The following RYR2 variants were observed in gnomAD, a reference collection of about 807,000 sequenced individuals.
RYR2 encodes the protein ryanodine receptor 2, also known as cardiac muscle ryanodine receptor-calcium release channel.
Under a neutral mutation model 601.1 loss-of-function variants are expected in RYR2, and 227 were observed. The ratio of observed to expected loss-of-function variants is 0.38; its 90% CI spans 0.34 to 0.42. The LOEUF (loss-of-function observed/expected upper bound fraction) is 0.42, where lower values mean the gene tolerates loss of function less well. Among genes scored for constraint, RYR2 ranks in the 10% least tolerant of loss-of-function variants. The pLI is 1.00. For missense variants in RYR2, 4,646 were observed against 6,156.5 expected, an observed-to-expected ratio of 0.75 and a Z score of 8.21; for synonymous variants, 2,223 against 2,175.1, an observed-to-expected ratio of 1.02 and a Z score of -0.61.
At chr1:237,057,402 G>T (rs143024445) in intron 1 of RYR2, among the ~76,000 whole-genome samples, 2,706 of 152,194 alleles carry the variant, frequency 0.018, 33 homozygotes, top group Non-Finnish European at 0.028. Context: ...AGCCAGGATG[G>T]TCTCGATCTC....
At chr1:237,659,470 A>T (rs1683565415) in intron 54 of RYR2, among the ~76,000 whole-genome samples, 1 of 152,182 alleles carries the variant, frequency 6.6e-6, no homozygotes, top group South Asian at 2.1e-4. Context: ...AGAAAATTTG[A>T]TGAAAGAATG....
intron 1 of RYR2, among the ~76,000 whole-genome samples, chr1:237,147,077 A>G (rs2148791075): frequency 6.6e-6 from 1 of 152,294 alleles, no homozygotes; most frequent in East Asian, 1.9e-4. Context: ...CAGACAATAG[A>G]TATCTCATTA....
intron 24 of RYR2, among the ~76,000 whole-genome samples, chr1:237,520,808 G>C (rs1572699975): frequency 6.6e-6 from 1 of 152,238 alleles, no homozygotes; most frequent in East Asian, 1.9e-4. Context: ...GGCCAAGGTG[G>C]GTGGATCACT....
chr1:237,610,802 A>G lies in RYR2; in HGVS notation c.4724A>G (p.His1575Arg). Residue 1575 changes from histidine (H) to arginine (R), a missense_variant, in exon 36 of 105, where the codon CAC becomes CGC. His to Arg is a conservative substitution (Grantham distance 29). Coordinates refer to ENST00000366574, the MANE Select transcript of RYR2 (RefSeq NM_001035.3). This position sits in a 1 kb window ranked among gnomAD's most constrained non-coding sequence, Gnocchi z 4.9. ...TCGGCGGGATTATTCAAGAGTGAGC[A>G]CAAGAACCCCGTGCCGCAGTGCCCC... ...PLSAGLFKSE[H>R]KNPVPQCPPR... The G allele has an allele frequency of 6.2e-7, 1 of 1,610,510 alleles. No individual in the cohort carries two copies. Among genetic ancestry groups the G allele is most frequent in the Non-Finnish European group, 8.5e-7 (1 of 1,178,662 alleles).
intron 72 of RYR2, among the ~76,000 whole-genome samples, chr1:237,718,232 T>G (rs928007968): frequency 6.6e-6 from 1 of 152,238 alleles, no homozygotes; most frequent in African/African-American, 2.4e-5. Context: ...TTGATTCCAT[T>G]GAATTTCAAT....
rs1474057505 is a variant in RYR2, at chr1:237,701,920, C to T, written c.9368-58C>T. ...GAATAGTACATAGCTTAAGCTTTCT[C>T]AGGACAATGTATAAATAAGTGGGTT... is the stretch of plus-strand genomic sequence containing the variant. On this transcript the variant is annotated intron_variant, in intron 65 of 104. Coordinates refer to ENST00000366574, the MANE Select transcript of RYR2 (RefSeq NM_001035.3). The T allele has an allele frequency of 3.1e-5, 29 of 944,794 alleles. No homozygotes were observed. In the East Asian group the frequency reaches 6.8e-4, roughly 22 times the overall value. 58.5% of individuals were successfully genotyped at this position (944,794 alleles called of 1,614,324 possible). A position where few individuals can be genotyped will look rare whatever the true frequency, so the allele number is the denominator to read the frequency against.
At chr1:237,249,712 A>G (rs1687259849) in intron 1 of RYR2, among the ~76,000 whole-genome samples, 1 of 152,204 alleles carries the variant, frequency 6.6e-6, no homozygotes. Context: ...ATCAAGCCCT[A>G]AGAAATTCTG....
chr1:237,561,657 A>T (rs1403152870), intron 27 of RYR2, among the ~76,000 whole-genome samples: 1 of 152,194 alleles, frequency 6.6e-6, no homozygotes. Context: ...AGGTAGAAAG[A>T]TTAGGGCAAA....
At chr1:237,269,042 C>CTTTT (rs200563683) in intron 1 of RYR2, among the ~76,000 whole-genome samples, 2 of 113,222 alleles carry the variant, frequency 1.8e-5, no homozygotes, top group Non-Finnish European at 3.4e-5. Flanking sequence ...ATAGCATATT[C>CTTTT]TTTTTTTTTT....
chr1:237,258,753 G>T (rs1688235569), intron 1 of RYR2, among the ~76,000 whole-genome samples: 1 of 152,164 alleles, frequency 6.6e-6, no homozygotes, highest in Non-Finnish European at 1.5e-5. Context: ...GAATCAGTTG[G>T]TTGACAACAG....
At chr1:237,427,787 A>C (rs1237455069) in intron 12 of RYR2, among the ~76,000 whole-genome samples, 3 of 56,260 alleles carry the variant, frequency 5.3e-5, no homozygotes, top group African/African-American at 1.4e-4. Flanking sequence ...TGCCTCAAAA[A>C]AAAAAAAAAA....
chr1:237,628,204 A>G lies in RYR2; in HGVS notation c.6440+124A>G, dbSNP rs185713200. The G allele has an allele frequency of 3.2e-4, 368 of 1,136,572 alleles. No homozygotes were observed. The African/African-American group carries it at 5.2e-3, about 16-fold the overall frequency. The allele number at this position is 1,136,572 out of a possible 1,614,324, so 70.4% of individuals were successfully genotyped here. On this transcript the variant is annotated intron_variant, in intron 41 of 104. Transcript: ENST00000366574. ...TCTGGATTATACGATTATTATACTA[A>G]ATAGCTTTTCTTTTTTTTATTTATT... is the stretch of plus-strand genomic sequence containing the variant.
At chr1:237,110,494 C>T (rs1231865894) in intron 1 of RYR2, among the ~76,000 whole-genome samples, 1 of 150,958 alleles carries the variant, frequency 6.6e-6, no homozygotes, top group African/African-American at 2.4e-5. Context: ...CAATTCCCAC[C>T]TATGAGTGAG....
chr1:237,532,851 T>A (rs1248912937), intron 25 of RYR2, among the ~76,000 whole-genome samples: 1 of 152,160 alleles, frequency 6.6e-6, no homozygotes, highest in Non-Finnish European at 1.5e-5. Context: ...GACAAAACAA[T>A]CAGCTAAAAC....
chr1:237,252,425 A>C (rs945303820), intron 1 of RYR2, among the ~76,000 whole-genome samples: 3 of 152,024 alleles, frequency 2.0e-5, no homozygotes, highest in African/African-American at 7.2e-5. Flanking sequence ...CCATCCTGTA[A>C]TATATCCACC....
At chr1:237,705,751 A>G (rs923282160) in intron 67 of RYR2, among the ~76,000 whole-genome samples, 3 of 152,174 alleles carry the variant, frequency 2.0e-5, no homozygotes, top group African/African-American at 7.2e-5. Context: ...GATAGGCTGG[A>G]GAGAAAAAGA....
chr1:237,283,314 G>A (rs1572465987), intron 2 of RYR2, among the ~76,000 whole-genome samples: 1 of 151,660 alleles, frequency 6.6e-6, no homozygotes, highest in Non-Finnish European at 1.5e-5. Flanking sequence ...TCACTTGATC[G>A]CTTTTTCTCT....
intron 1 of RYR2, among the ~76,000 whole-genome samples, chr1:237,223,504 G>A (rs1684046505): frequency 6.6e-6 from 1 of 152,192 alleles, no homozygotes; most frequent in South Asian, 2.1e-4. Context: ...AAAGATCTCT[G>A]ACAACCTAAC....
intron 3 of RYR2, among the ~76,000 whole-genome samples, chr1:237,344,830 C>A (rs185980876): frequency 6.6e-6 from 1 of 151,960 alleles, no homozygotes; most frequent in South Asian, 2.1e-4. Flanking sequence ...TTTTTTGAGA[C>A]AGAGTCTCGC....
Sources: allele counts gnomAD v4.1 joint callset (sites outside exome capture counted in the v4.1 genomes callset), GRCh38; gene constraint gnomAD v4.1.1; non-coding constraint Gnocchi (gnomAD v3.1); transcripts MANE v1.5; gene names NCBI Gene and HGNC (gene_info 2026-07-23, HGNC 2026-07-21).